The following LPCAT3 variants were observed in gnomAD, a reference collection of about 807,000 sequenced individuals.
LPCAT3 encodes lysophosphatidylcholine acyltransferase 3.
Under a neutral mutation model 63.4 loss-of-function variants are expected in LPCAT3, and 21 were observed. The observed-to-expected ratio is 0.33, with a 90% CI of 0.23 to 0.48. The LOEUF (loss-of-function observed/expected upper bound fraction) is 0.48. Among genes scored for constraint, LPCAT3 ranks in the 20% least tolerant of loss-of-function variants. The pLI, the probability that LPCAT3 is intolerant of heterozygous loss-of-function variation, is 0.99. For synonymous variants in LPCAT3, 242 were observed against 227.5 expected (o/e 1.06, Z -0.58); for missense variants, 451 against 590.6 (o/e 0.76, Z 2.45).
intron 7 of LPCAT3, chr12:6,978,931 C>G: frequency 2.0e-6 from 1 of 510,856 alleles, no homozygotes. Context: ...TATTTAACTT[C>G]TCTACTGTTT....
intron 1 of LPCAT3, among the ~76,000 whole-genome samples, chr12:7,003,107 T>A (rs1264945495): frequency 1.3e-5 from 2 of 152,082 alleles, no homozygotes; most frequent in African/African-American, 4.8e-5. Context: ...TATGAAGAAA[T>A]CAGTAAAAAT....
intron 1 of LPCAT3, among the ~76,000 whole-genome samples, chr12:7,009,692 A>C (rs1946748989): frequency 6.6e-6 from 1 of 152,242 alleles, no homozygotes; most frequent in Non-Finnish European, 1.5e-5. Flanking sequence ...AGCATGGTTA[A>C]GTGTTTACAT....
Position 6,987,733 on chromosome 12 carries a change from C to T in LPCAT3, c.152-4194G>A, listed in dbSNP as rs942248951. The T allele has an allele frequency of 1.0e-5, 4 of 400,352 alleles. No homozygotes were observed. Among genetic ancestry groups the T allele is most frequent in the African/African-American group, 6.2e-5 (3 of 48,694 alleles). 24.8% of individuals were successfully genotyped at this position (400,352 alleles called of 1,614,324 possible). On this transcript the variant is annotated intron_variant, in intron 1 of 12. Coordinates refer to ENST00000261407, the MANE Select transcript of LPCAT3 (RefSeq NM_005768.6). The surrounding 1 kb of genome is among the most constrained non-coding windows in gnomAD (Gnocchi z 4.1). Reference sequence around the variant, plus strand: ...GAATGCTCGAAATTAAAAAACACCACACATATTACTCTGCCTCTTTAAGTT... The same window carrying T: ...GAATGCTCGAAATTAAAAAACACCATACATATTACTCTGCCTCTTTAAGTT...
chr12:7,018,433 C>CGGGAGCCCCACA lies in LPCAT3; in HGVS notation c.-21_-10dup, dbSNP rs782708625. The CGGGAGCCCCACA allele has an allele frequency of 5.0e-5, 80 of 1,594,260 alleles. 1 individual carries two copies. Among genetic ancestry groups the CGGGAGCCCCACA allele is most frequent in the Non-Finnish European group, 3.4e-6 (4 of 1,169,210 alleles). On this transcript the variant is annotated 5_prime_UTR_variant, in exon 1 of 13. Coordinates refer to ENST00000261407, the MANE Select transcript of LPCAT3 (RefSeq NM_005768.6). This position sits in a 1 kb window ranked among gnomAD's most constrained non-coding sequence, Gnocchi z 4.9. ...TCCGCTGAGGACGCCATCTTAACTCCGGGAGCCCCACAGGGACCCCCCAGC... is the reference window on the plus strand; with the variant it reads ...TCCGCTGAGGACGCCATCTTAACTCCGGGAGCCCCACAGGGAGCCCCACAGGGACCCCCCAGC...
rs781224470 is a variant in LPCAT3 at position 6,996,088 on chromosome 12, C to T, written c.152-12549G>A. Among the ~76,000 whole-genome samples, 396 of 152,300 alleles carry T rather than the reference C, an allele frequency of 2.6e-3. 2 individuals carry two copies. Among genetic ancestry groups the T allele is most frequent in the Non-Finnish European group, 4.0e-3 (272 of 68,038 alleles). The stretch of plus-strand genomic sequence containing the variant: ...CTCAGATCAAAAGGCTGATTGCCAG[C>T]ACCCGCAGGTTCTGTCCCTCTGCCC... On this transcript the variant is annotated intron_variant, in intron 1 of 12. Coordinates refer to ENST00000261407, the MANE Select transcript of LPCAT3 (RefSeq NM_005768.6).
At chr12:7,001,774 A>AC (rs1357270063) in intron 1 of LPCAT3, among the ~76,000 whole-genome samples, 2 of 151,916 alleles carry the variant, frequency 1.3e-5, no homozygotes, top group African/African-American at 4.8e-5. Flanking sequence ...GCAGCATGGA[A>AC]CCCCTCTTCC....
intron 1 of LPCAT3, among the ~76,000 whole-genome samples, chr12:6,989,294 A>G (rs1196549663): frequency 6.7e-6 from 1 of 150,332 alleles, no homozygotes; most frequent in Non-Finnish European, 1.5e-5. Context: ...CCCTAATGCT[A>G]GGGACATTCA....
At chr12:7,010,675 A>AT (rs1173700187) in intron 1 of LPCAT3, among the ~76,000 whole-genome samples, 3 of 152,076 alleles carry the variant, frequency 2.0e-5, no homozygotes, top group East Asian at 1.9e-4. Flanking sequence ...TGATTATATA[A>AT]TTTTTTTTGT....
intron 6 of LPCAT3, chr12:6,980,009 C>T (rs7968106): frequency 0.022 from 3,296 of 151,194 alleles, 113 homozygotes; most frequent in African/African-American, 0.075. Context: ...AGGAATTCTT[C>T]TGGCAATTAA....
chr12:6,981,937 A>C (rs781876790), intron 3 of LPCAT3, 33 bp from the exon 4 acceptor site: 2 of 1,088,414 alleles, frequency 1.8e-6, no homozygotes, highest in South Asian at 2.5e-5. Context: ...TTCTAGCATC[A>C]CTACTATTTC....
intron 1 of LPCAT3, among the ~76,000 whole-genome samples, chr12:7,014,431 T>C (rs1289249074): frequency 6.6e-6 from 1 of 152,198 alleles, no homozygotes; most frequent in Non-Finnish European, 1.5e-5. Context: ...CCAGGGCTCA[T>C]GGCAAAATTC....
rs375550369 is a variant in LPCAT3, at chr12:6,979,493, T to C, written c.764A>G (p.Tyr255Cys). 23 of 1,613,210 alleles carry C rather than the reference T, an allele frequency of 1.4e-5. No homozygotes were observed. The highest frequency in any genetic ancestry group is 1.9e-5 in the Non-Finnish European group (22 of 1,179,268). Reference sequence around the variant, plus strand: ...CACGTCATAGTCTTCAGTGAGGAGATAGTCTTCTGTGATGTGGGGGCTGAG... The same window carrying C: ...CACGTCATAGTCTTCAGTGAGGAGACAGTCTTCTGTGATGTGGGGGCTGAG... ...TLLSPHITED[Y>C]LLTEDYDNHP... is the part of the protein sequence containing the mutation. The change falls in exon 7 of 13, where the codon TAT becomes TGT. Residue 255 changes from tyrosine to cysteine, a missense_variant. Around this residue, in one of 3 missense-constraint regions of LPCAT3, gnomAD observed 304 missense variants for 390.8 expected, o/e 0.78. Coordinates refer to ENST00000261407, the MANE Select transcript of LPCAT3 (RefSeq NM_005768.6).
rs781998819 is a variant in LPCAT3 at position 7,017,722 on chromosome 12, TAAA to T, written c.151+549_151+551del. ...AATGACAGGTAGGTGGCTTGGAAAA[TAAA>T]AAAAGCAACATGGTATAAAAAGAAA... On this transcript the variant is annotated intron_variant, in intron 1 of 12. Transcript: ENST00000261407. The surrounding 1 kb of genome is among the most constrained non-coding windows in gnomAD (Gnocchi z 4.1). 6.6e-6 allele frequency among the ~76,000 whole-genome samples: 1 copy of T among 150,974 alleles called. No individual in the cohort carries two copies. Among genetic ancestry groups the T allele is most frequent in the Non-Finnish European group, 1.5e-5 (1 of 67,758 alleles).
At position 7,018,106 on chromosome 12, in the gene LPCAT3, CAG is replaced by C. The variant is rs1293693755; in HGVS notation, c.151+166_151+167del. 6.6e-6 allele frequency among the ~76,000 whole-genome samples: 1 copy of C among 152,198 alleles called. No homozygotes were observed. The highest frequency in any genetic ancestry group is 6.5e-5 in the Admixed American group (1 of 15,286). On this transcript the variant is annotated intron_variant, in intron 1 of 12. Coordinates refer to ENST00000261407, the MANE Select transcript of LPCAT3 (RefSeq NM_005768.6). The surrounding 1 kb of genome is among the most constrained non-coding windows in gnomAD (Gnocchi z 4.9). Reference sequence around the variant, plus strand: ...AGGGCACAGCGCCCCAGACTCGAGACAGGACTTCTGTCTTCCCTCAGTAGCTG... The same window carrying C: ...AGGGCACAGCGCCCCAGACTCGAGACGACTTCTGTCTTCCCTCAGTAGCTG...
Position 6,990,189 on chromosome 12 carries a change from AAAAT to A in LPCAT3, c.152-6654_152-6651del, listed in dbSNP as rs1288533127. ...TTGTTTTTTTTGAGACCCTGTCTCAAAAATAAATAAATAAATAAATAAAAATAAA... is the reference window on the plus strand; with the variant it reads ...TTGTTTTTTTTGAGACCCTGTCTCAAAAATAAATAAATAAATAAAAATAAA... On this transcript the variant is annotated intron_variant, in intron 1 of 12. Transcript: ENST00000261407. Among the ~76,000 whole-genome samples, 34 of 148,052 alleles carry A rather than the reference AAAAT, an allele frequency of 2.3e-4. 1 individual carries two copies. Among genetic ancestry groups the A allele is most frequent in the Non-Finnish European group, 1.9e-4 (13 of 66,884 alleles).
At chr12:7,003,885 G>GCAGT (rs1279117367) in intron 1 of LPCAT3, among the ~76,000 whole-genome samples, 1 of 143,668 alleles carries the variant, frequency 7.0e-6, no homozygotes, top group Non-Finnish European at 1.5e-5. Flanking sequence ...TTGCACCACT[G>GCAGT]CAGTCCGCAG....
chr12:7,002,444 G>A (rs1373956745), intron 1 of LPCAT3, among the ~76,000 whole-genome samples: 1 of 152,100 alleles, frequency 6.6e-6, no homozygotes, highest in African/African-American at 2.4e-5. Flanking sequence ...CTAATTAGCT[G>A]TTTTCTCTCC....
intron 1 of LPCAT3, among the ~76,000 whole-genome samples, chr12:6,999,748 C>G (rs1555156359): frequency 6.6e-6 from 1 of 152,134 alleles, no homozygotes; most frequent in South Asian, 2.1e-4. Flanking sequence ...GCTTTACTAG[C>G]AAAGATAAAA....
At chr12:7,000,200 G>C (rs969833354) in intron 1 of LPCAT3, among the ~76,000 whole-genome samples, 3 of 151,894 alleles carry the variant, frequency 2.0e-5, no homozygotes, top group Non-Finnish European at 4.4e-5. Context: ...GATTATAGGC[G>C]TGAGCCACCG....
Sources: gnomAD v4.1 joint callset for allele counts (sites outside exome capture counted in the v4.1 genomes callset) on GRCh38, gnomAD v4.1.1 for gene constraint, gnomAD v4.1.1 regional missense constraint, Gnocchi (gnomAD v3.1) non-coding constraint, MANE v1.5 for transcripts, NCBI Gene and HGNC (gene_info 2026-07-23, HGNC 2026-07-21) for gene names.